DAP: variants seen among roughly 807,000 people sequenced by gnomAD.
The protein encoded by DAP is death associated protein.
DAP carries 8 observed loss-of-function variants against 13.8 expected under a neutral mutation model. That is an observed-to-expected ratio of 0.58 (90% CI 0.34 to 1.05). The LOEUF (loss-of-function observed/expected upper bound fraction) is 1.05, where lower values mean the gene tolerates loss of function less well. Among genes scored for constraint, DAP ranks in the 50% least tolerant of loss-of-function variants. The probability of loss-of-function intolerance (pLI) is 0.03; values close to 1 mark genes in which losing one functional copy is unlikely to be tolerated. For missense variants in DAP, 106 were observed against 133.2 expected, an observed-to-expected ratio of 0.80 and a Z score of 1.01; for synonymous variants, 47 against 47.5, an observed-to-expected ratio of 0.99 and a Z score of 0.04.
At chr5:10,714,750 CT>C (rs1219997993) in intron 2 of DAP, among the ~76,000 whole-genome samples, 4 of 152,178 alleles carry the variant, frequency 2.6e-5, no homozygotes, top group South Asian at 2.1e-4. Flanking sequence ...TACCACCCCC[CT>C]GGTACTGTCC....
At position 10,715,891 on chromosome 5, in the gene DAP, A is replaced by AT. The variant is rs1738972856; in HGVS notation, c.152+32283dup. 2.6e-5 allele frequency among the ~76,000 whole-genome samples: 4 copies of AT among 152,224 alleles called. No individual in the cohort carries two copies. The South Asian group carries it at 8.3e-4, about 31-fold the overall frequency. ...GTCACACGTAACAATTAATTTGATG[A>AT]TCCCAAATTGGACCTGACAGGAAAC... On this transcript the variant is annotated intron_variant, in intron 2 of 3. Coordinates refer to ENST00000230895, the MANE Select transcript of DAP (RefSeq NM_004394.3).
chr5:10,685,606 G>C (rs778763219), intron 2 of DAP, among the ~76,000 whole-genome samples: 2 of 152,198 alleles, frequency 1.3e-5, no homozygotes, highest in Admixed American at 6.5e-5. Context: ...CCTGAAGCAG[G>C]GATGGCCCCA....
chr5:10,704,660 G>C (rs530973328), intron 2 of DAP, among the ~76,000 whole-genome samples: 1 of 152,130 alleles, frequency 6.6e-6, no homozygotes, highest in Admixed American at 6.5e-5. Flanking sequence ...TGTAATCAGG[G>C]AATTTTCCCC....
intron 2 of DAP, among the ~76,000 whole-genome samples, chr5:10,726,834 C>T (rs1161138439): frequency 9.9e-5 from 15 of 152,164 alleles, no homozygotes; most frequent in Non-Finnish European, 1.5e-4. Context: ...GCAGAAAGAA[C>T]GACATCTTAG....
At chr5:10,734,434 T>A (rs1739548565) in intron 2 of DAP, among the ~76,000 whole-genome samples, 1 of 152,164 alleles carries the variant, frequency 6.6e-6, no homozygotes, top group South Asian at 2.1e-4. Context: ...TTCTTTCTTA[T>A]CCCCAAATCT....
At chr5:10,749,939 G>T (rs1323583626) in intron 1 of DAP, among the ~76,000 whole-genome samples, 1 of 152,046 alleles carries the variant, frequency 6.6e-6, no homozygotes, top group Non-Finnish European at 1.5e-5. Context: ...TAGTGTCTCA[G>T]ATTCTCAAAG....
intron 1 of DAP, among the ~76,000 whole-genome samples, chr5:10,759,744 CTTTTT>C (rs1169454640): frequency 1.7e-4 from 15 of 88,224 alleles, no homozygotes; most frequent in African/African-American, 5.0e-4. Context: ...TAATGGGAAT[CTTTTT>C]TTTTTTTTTT....
intron 2 of DAP, among the ~76,000 whole-genome samples, chr5:10,704,626 C>T (rs1047854355): frequency 6.6e-5 from 10 of 152,262 alleles, no homozygotes; most frequent in African/African-American, 2.4e-4. Context: ...AAGTGAAACC[C>T]TTGGCAAAGC....
intron 1 of DAP, among the ~76,000 whole-genome samples, chr5:10,754,121 T>G (rs1579824448): frequency 6.6e-6 from 1 of 152,052 alleles, no homozygotes; most frequent in African/African-American, 2.4e-5. Context: ...CACTGGCAAG[T>G]GGAGACTCAC....
chr5:10,712,881 T>C (rs1160538377), intron 2 of DAP, among the ~76,000 whole-genome samples: 3 of 152,204 alleles, frequency 2.0e-5, no homozygotes, highest in African/African-American at 4.8e-5. Flanking sequence ...CAAATCTGAA[T>C]GGAACCTCAA....
chr5:10,722,507 TATGCATACATATACATATAC>T (rs1351016485), intron 2 of DAP, among the ~76,000 whole-genome samples: 1 of 143,976 alleles, frequency 6.9e-6, no homozygotes, highest in Non-Finnish European at 1.5e-5. Flanking sequence ...TACACATACA[TATGCATACATATACATATAC>T]ATGCATATAT....
chr5:10,754,387 CT>C (rs1193536481), intron 1 of DAP, among the ~76,000 whole-genome samples: 1 of 152,180 alleles, frequency 6.6e-6, no homozygotes, highest in Non-Finnish European at 1.5e-5. Context: ...AGATACTTTC[CT>C]GAATTTGCAC....
intron 1 of DAP, among the ~76,000 whole-genome samples, chr5:10,757,501 T>G (rs1740218954): frequency 6.6e-6 from 1 of 152,192 alleles, no homozygotes; most frequent in African/African-American, 2.4e-5. Flanking sequence ...CTTGAACTCC[T>G]GAGCTCAGGT....
intron 2 of DAP, among the ~76,000 whole-genome samples, chr5:10,692,276 A>C (rs906463493): frequency 4.6e-5 from 7 of 152,194 alleles, no homozygotes; most frequent in African/African-American, 9.7e-5. Context: ...ACCCTCCCTC[A>C]TCATCGTGGT....
intron 2 of DAP, among the ~76,000 whole-genome samples, chr5:10,702,574 A>T (rs562083190): frequency 2.0e-5 from 3 of 152,128 alleles, no homozygotes; most frequent in Non-Finnish European, 4.4e-5. Context: ...ACTTCTTCAG[A>T]TCTTTTCAAG....
At chr5:10,722,579 T>TAC (rs1554001198) in intron 2 of DAP, among the ~76,000 whole-genome samples, 1 of 146,296 alleles carries the variant, frequency 6.8e-6, no homozygotes, top group Non-Finnish European at 1.5e-5. Flanking sequence ...CATACATACA[T>TAC]ATATATACAT....
intron 2 of DAP, among the ~76,000 whole-genome samples, chr5:10,692,011 G>T (rs1210858971): frequency 2.0e-5 from 3 of 152,194 alleles, no homozygotes; most frequent in African/African-American, 7.2e-5. Context: ...CAGACAGACA[G>T]GATAAAATGC....
intron 2 of DAP, among the ~76,000 whole-genome samples, chr5:10,720,198 T>C (rs1042060579): frequency 2.6e-5 from 4 of 152,130 alleles, no homozygotes; most frequent in Non-Finnish European, 5.9e-5. Flanking sequence ...CCATGGGCAT[T>C]TGAGCCACTT....
At chr5:10,683,213 C>T in intron 3 of DAP, 1 of 419,812 alleles carries the variant, frequency 2.4e-6, no homozygotes, top group Non-Finnish European at 4.3e-6. Context: ...AACAGCAGCC[C>T]TATGGACGGC....
Sources: gnomAD v4.1 joint callset for allele counts (sites outside exome capture counted in the v4.1 genomes callset) on GRCh38, gnomAD v4.1.1 for gene constraint, MANE v1.5 for transcripts, NCBI Gene and HGNC (gene_info 2026-07-23, HGNC 2026-07-21) for gene names.